ZFYVE9: variants seen among roughly 807,000 people sequenced by gnomAD.
ZFYVE9 encodes the protein zinc finger FYVE domain-containing protein 9.
In ZFYVE9, 43 loss-of-function variants were observed where a neutral mutation model predicts 126.7. The ratio of observed to expected loss-of-function variants is 0.34; its 90% CI spans 0.27 to 0.44. The LOEUF is 0.44. Ranked by LOEUF, ZFYVE9 falls within the 20% of genes least tolerant of loss-of-function variation. The pLI is 1.00. For synonymous variants in ZFYVE9, 521 were observed against 597.4 expected (o/e 0.87, Z 1.87); for missense variants, 1,476 against 1,697.0 (o/e 0.87, Z 2.29).
intron 2 of ZFYVE9, among the ~76,000 whole-genome samples, chr1:52,221,674 G>T (rs551496392): frequency 6.6e-6 from 1 of 152,246 alleles, no homozygotes; most frequent in South Asian, 2.1e-4. Context: ...TGACAGGAAG[G>T]CTACGGGCCA....
chr1:52,223,935 T>G (rs1016165482), intron 2 of ZFYVE9, among the ~76,000 whole-genome samples: 9 of 152,190 alleles, frequency 5.9e-5, no homozygotes, highest in African/African-American at 2.2e-4. Flanking sequence ...AGGATAGACA[T>G]TAATTCAGCC....
intron 1 of ZFYVE9, among the ~76,000 whole-genome samples, chr1:52,166,512 AT>A (rs1644515057): frequency 6.6e-6 from 1 of 152,168 alleles, no homozygotes; most frequent in Non-Finnish European, 1.5e-5. Context: ...TGACTTAATC[AT>A]TTTAAAATGT....
chr1:52,253,554 G>T, intron 4 of ZFYVE9: 1 of 762,338 alleles, frequency 1.3e-6, no homozygotes, highest in East Asian at 2.4e-5. Context: ...AGCCGAGTGG[G>T]AGTGGCACAG....
intron 1 of ZFYVE9, among the ~76,000 whole-genome samples, chr1:52,144,411 T>C (rs1311662220): frequency 1.3e-5 from 2 of 152,134 alleles, no homozygotes; most frequent in Non-Finnish European, 2.9e-5. Context: ...ATAAGTATTA[T>C]ATGTAATATG....
At chr1:52,242,547 T>G (rs538153370) in intron 4 of ZFYVE9, among the ~76,000 whole-genome samples, 1 of 152,194 alleles carries the variant, frequency 6.6e-6, no homozygotes, top group Non-Finnish European at 1.5e-5. Flanking sequence ...AGTACTTTTT[T>G]TTTTTTTAAA....
intron 1 of ZFYVE9, among the ~76,000 whole-genome samples, chr1:52,209,756 G>A (rs977662597): frequency 2.0e-5 from 3 of 152,120 alleles, no homozygotes; most frequent in Non-Finnish European, 4.4e-5. Context: ...AAGAATTTGA[G>A]AATAGAGAAT....
At chr1:52,145,596 T>C (rs1198495044) in intron 1 of ZFYVE9, among the ~76,000 whole-genome samples, 6 of 152,142 alleles carry the variant, frequency 3.9e-5, no homozygotes, top group Admixed American at 2.6e-4. Flanking sequence ...CTACCCCTCC[T>C]AGCAAAGTAG....
At chr1:52,336,140 A>C (rs1169534593) in intron 15 of ZFYVE9, among the ~76,000 whole-genome samples, 1 of 152,050 alleles carries the variant, frequency 6.6e-6, no homozygotes, top group South Asian at 2.1e-4. Flanking sequence ...TCTTTAAAAA[A>C]AAAAAAGGTC....
At chr1:52,188,810 A>C (rs562658977) in intron 1 of ZFYVE9, among the ~76,000 whole-genome samples, 93 of 152,200 alleles carry the variant, frequency 6.1e-4, no homozygotes, top group African/African-American at 2.1e-3. Context: ...TATGTTTTTA[A>C]GATAGCTTTA....
chr1:52,152,681 A>C (rs1020252131), intron 1 of ZFYVE9, among the ~76,000 whole-genome samples: 9 of 152,204 alleles, frequency 5.9e-5, no homozygotes, highest in African/African-American at 2.2e-4. Context: ...TCTGGGTTCA[A>C]ATTTAATTCT....
intron 4 of ZFYVE9, chr1:52,253,702 C>G (rs1480181473): frequency 6.2e-7 from 1 of 1,604,362 alleles, no homozygotes; most frequent in African/African-American, 1.3e-5. Context: ...AATTGGGTCA[C>G]AAGCTGTTTG....
chr1:52,194,548 T>A (rs1644843770), intron 1 of ZFYVE9, among the ~76,000 whole-genome samples: 1 of 152,180 alleles, frequency 6.6e-6, no homozygotes, highest in African/African-American at 2.4e-5. Flanking sequence ...AAAGTTCCAT[T>A]TACTACCTGT....
At chr1:52,328,115 G>A (rs940247633) in intron 13 of ZFYVE9, among the ~76,000 whole-genome samples, 2 of 152,192 alleles carry the variant, frequency 1.3e-5, no homozygotes, top group Middle Eastern at 3.2e-3. Context: ...TGGGGTTAGA[G>A]CATAGGAAGC....
chr1:52,146,027 C>CA (rs150268323), intron 1 of ZFYVE9, among the ~76,000 whole-genome samples: 2 of 146,182 alleles, frequency 1.4e-5, no homozygotes, highest in Admixed American at 6.9e-5. Flanking sequence ...TCAAAAATAT[C>CA]CACACACACA....
chr1:52,316,183 A>G lies in ZFYVE9; in HGVS notation c.3438+12258A>G, dbSNP rs866793435. Among the ~76,000 whole-genome samples the G allele has an allele frequency of 8.1e-3, 1,190 of 147,514 alleles. 24 individuals are homozygous for G. Among genetic ancestry groups the G allele is most frequent in the African/African-American group, 0.029 (1,142 of 39,920 alleles). On this transcript the variant is annotated intron_variant, in intron 13 of 18. Transcript: ENST00000287727. Reference sequence around the variant, plus strand: ...TCCATCTCAAAAAAAAAAAAAAAAAAAAAAAAAGAAAAGAAACCACAGCCG... The same window carrying G: ...TCCATCTCAAAAAAAAAAAAAAAAAGAAAAAAAGAAAAGAAACCACAGCCG...
At chr1:52,340,300 T>C (rs1646422316) in intron 17 of ZFYVE9, 69 bp downstream of exon 17, 6 of 1,190,236 alleles carry the variant, frequency 5.0e-6, no homozygotes, top group Non-Finnish European at 7.4e-6. Flanking sequence ...AAGAGCCACA[T>C]TCTGGGTTGA....
At chr1:52,164,004 C>T (rs1278569757) in intron 1 of ZFYVE9, among the ~76,000 whole-genome samples, 4 of 151,370 alleles carry the variant, frequency 2.6e-5, no homozygotes, top group South Asian at 2.1e-4. Flanking sequence ...CAGGCTGGAG[C>T]GTAGTGGCTC....
intron 2 of ZFYVE9, among the ~76,000 whole-genome samples, chr1:52,232,148 T>C (rs1645229290): frequency 6.6e-6 from 1 of 152,174 alleles, no homozygotes; most frequent in Non-Finnish European, 1.5e-5. Flanking sequence ...CTCAGACTTT[T>C]TGGGGAATTT....
intron 1 of ZFYVE9, among the ~76,000 whole-genome samples, chr1:52,212,317 G>C (rs1645035920): frequency 6.6e-6 from 1 of 152,006 alleles, no homozygotes; most frequent in East Asian, 1.9e-4. Flanking sequence ...GCTAATTTTT[G>C]TATTTTTAGT....
Sources: gnomAD v4.1 joint callset for allele counts (sites outside exome capture counted in the v4.1 genomes callset) on GRCh38, gnomAD v4.1.1 for gene constraint, MANE v1.5 for transcripts, NCBI Gene and HGNC (gene_info 2026-07-23, HGNC 2026-07-21) for gene names.